The following PRDM2 variants were observed in gnomAD, a reference collection of about 807,000 sequenced individuals.
PRDM2 encodes PR/SET domain 2.
A neutral mutation model predicts 130.0 loss-of-function variants in PRDM2; 30 were observed. The ratio of observed to expected loss-of-function variants is 0.23; its 90% CI spans 0.17 to 0.31. The LOEUF (loss-of-function observed/expected upper bound fraction) is 0.31. Among genes scored for constraint, PRDM2 ranks in the 10% least tolerant of loss-of-function variants. PRDM2 has a pLI of 1.00. For synonymous variants in PRDM2, 871 were observed against 782.4 expected (o/e 1.11, Z -1.89); for missense variants, 2,011 against 2,108.4 (o/e 0.95, Z 0.90).
At chr1:13,800,077 A>C (rs1644983548) in intron 8 of PRDM2, among the ~76,000 whole-genome samples, 1 of 151,874 alleles carries the variant, frequency 6.6e-6, no homozygotes, top group Middle Eastern at 3.2e-3. Flanking sequence ...TCATTCATTC[A>C]TTCATTCATT....
intron 1 of PRDM2, among the ~76,000 whole-genome samples, chr1:13,704,628 G>T (rs1291825767): frequency 6.6e-6 from 1 of 152,158 alleles, no homozygotes; most frequent in Non-Finnish European, 1.5e-5. Flanking sequence ...ATTATAGGGG[G>T]CAGTCTGTCT....
chr1:13,770,749 G>GGTAT (rs1273063892), intron 6 of PRDM2, among the ~76,000 whole-genome samples: 4 of 152,086 alleles, frequency 2.6e-5, no homozygotes, highest in Non-Finnish European at 5.9e-5. Flanking sequence ...TTACCTGAGG[G>GGTAT]GTATGTCTTA....
At chr1:13,821,623 G>A (rs1271740187) in intron 9 of PRDM2, among the ~76,000 whole-genome samples, 1 of 151,772 alleles carries the variant, frequency 6.6e-6, no homozygotes, top group Non-Finnish European at 1.5e-5. Context: ...CATCACTAAT[G>A]TATTTTTGTA....
intron 2 of PRDM2, among the ~76,000 whole-genome samples, chr1:13,722,509 T>A (rs1642762821): frequency 6.6e-6 from 1 of 150,768 alleles, no homozygotes; most frequent in African/African-American, 2.4e-5. Flanking sequence ...CCAATAGAAT[T>A]TTTTTTTTTA....
At position 13,816,430 on chromosome 1, in the gene PRDM2, C is replaced by T; in HGVS notation, c.5040C>T (p.Tyr1680=). ...TGTTGTTCCTCTTCCTGCACAGCTA[C>T]AGCCTCCGCTTGGCGTCCCGATGCT... ...SAKQELKDFS[Y]SLRLASRCSP... is the part of the protein sequence containing the mutation. The change falls in exon 9 of 10, where the codon TAC becomes TAT. Residue 1680 remains tyrosine, a synonymous_variant. Coordinates refer to ENST00000311066, the MANE Select transcript of PRDM2 (RefSeq NM_001393986.1). 5.6e-6 allele frequency: 9 copies of T among 1,614,124 alleles called. No homozygotes were observed. The highest frequency in any genetic ancestry group is 7.6e-6 in the Non-Finnish European group (9 of 1,180,012).
intron 6 of PRDM2, among the ~76,000 whole-genome samples, chr1:13,758,269 C>T (rs1051489257): frequency 1.3e-5 from 2 of 151,842 alleles, no homozygotes; most frequent in Admixed American, 6.6e-5. Flanking sequence ...CATGGTAAAA[C>T]CCCGTCTCTA....
At chr1:13,769,178 G>C in intron 6 of PRDM2, 2 of 984,280 alleles carry the variant, frequency 2.0e-6, no homozygotes, top group Non-Finnish European at 2.4e-6. Context: ...CCGATGGTAA[G>C]TGCACTTGTG....
At chr1:13,808,248 T>A (rs144970642) in intron 8 of PRDM2, among the ~76,000 whole-genome samples, 4,045 of 152,140 alleles carry the variant, frequency 0.027, 189 homozygotes, top group African/African-American at 0.092. Context: ...TCCCCACACT[T>A]TGGGAGGCCG....
Position 13,773,203 on chromosome 1 carries a change from T to C in PRDM2, c.622+15T>C. ...TTCTGCAGAAGGTAAGCTTGTGATA[T>C]TGGCTTGGTCTGAATTGGGTGTGTA... is the stretch of plus-strand genomic sequence containing the variant. On this transcript the variant is annotated intron_variant, in intron 7 of 9. Coordinates refer to ENST00000311066, the MANE Select transcript of PRDM2 (RefSeq NM_001393986.1). 7.4e-6 allele frequency: 11 copies of C among 1,486,990 alleles called. No individual in the cohort carries two copies. The highest frequency in any genetic ancestry group is 1.4e-5 in the African/African-American group (1 of 70,628). 92.1% of individuals were successfully genotyped at this position (1,486,990 alleles called of 1,614,324 possible). A position where few individuals can be genotyped will look rare whatever the true frequency, so the allele number is the denominator to read the frequency against.
At chr1:13,741,943 T>C (rs1643459144) in intron 4 of PRDM2, 62 bp from the exon 5 acceptor site, 1 of 1,324,828 alleles carries the variant, frequency 7.5e-7, no homozygotes, top group South Asian at 1.3e-5. Context: ...AAGTTAAAAA[T>C]GGAGGCATTT....
intron 1 of PRDM2, among the ~76,000 whole-genome samples, chr1:13,702,812 GA>G (rs1389657448): frequency 1.3e-5 from 2 of 151,734 alleles, no homozygotes; most frequent in South Asian, 2.1e-4. Context: ...TACTCATGCA[GA>G]AAAAAAACCA....
At chr1:13,786,996 T>C (rs1230567508) in intron 8 of PRDM2, 1 of 986,578 alleles carries the variant, frequency 1.0e-6, no homozygotes, top group Non-Finnish European at 1.2e-6. Context: ...GCCTTTCTTT[T>C]AAATTAATTA....
In PRDM2 at chr1:13,778,946, C is replaced by A. The variant is rs767350337; in HGVS notation, c.1151C>A (p.Ser384Tyr). ...GLERHMHIHI[S>Y]TVNHAFKCKY... ...GAGCGTCACATGCATATCCATATATCCACCGTCAATCATGCTTTCAAATGC... is the reference window on the plus strand; with the variant it reads ...GAGCGTCACATGCATATCCATATATACACCGTCAATCATGCTTTCAAATGC... Residue 384 changes from serine (S) to tyrosine (Y), a missense_variant, in exon 8 of 10, where the codon TCC (serine) becomes TAC (tyrosine). Physicochemically the swap from Ser to Tyr is moderately radical, Grantham distance 144. Around this residue, in one of 5 missense-constraint regions of PRDM2, gnomAD observed 1,288 missense variants for 1,237.7 expected, o/e 1.04. Transcript: ENST00000311066. 2 of 1,614,066 alleles carry A rather than the reference C, an allele frequency of 1.2e-6. No homozygotes were observed. Among genetic ancestry groups the A allele is most frequent in the African/African-American group, 2.7e-5 (2 of 74,918 alleles).
intron 1 of PRDM2, among the ~76,000 whole-genome samples, chr1:13,712,286 A>G (rs986186664): frequency 2.6e-5 from 4 of 152,202 alleles, no homozygotes; most frequent in African/African-American, 7.2e-5. Flanking sequence ...TTTAAGTACT[A>G]TTGTAATTAT....
In PRDM2 at chr1:13,823,495, C is replaced by G. The variant is rs958770013; in HGVS notation, c.*360C>G. 1 of 380,486 alleles carries G rather than the reference C, an allele frequency of 2.6e-6. No homozygotes were observed. The highest frequency in any genetic ancestry group is 4.4e-5 in the Admixed American group (1 of 22,870). The allele number at this position is 380,486 out of a possible 1,614,324, so 23.6% of individuals were successfully genotyped here. A position where few individuals can be genotyped will look rare whatever the true frequency, so the allele number is the denominator to read the frequency against. Reference sequence around the variant, plus strand: ...TGCAATTTTTCAAGAGCTCCTTGACCCTGCTTTTTGCTTCTTGAGTTGTCT... The same window carrying G: ...TGCAATTTTTCAAGAGCTCCTTGACGCTGCTTTTTGCTTCTTGAGTTGTCT... On this transcript the variant is annotated 3_prime_UTR_variant, in exon 10 of 10. Transcript: ENST00000311066.
At chr1:13,785,948 C>T (rs545941968) in intron 8 of PRDM2, among the ~76,000 whole-genome samples, 154 of 151,510 alleles carry the variant, frequency 1.0e-3, no homozygotes, top group African/African-American at 3.6e-3. Context: ...ACGCCATTCT[C>T]CTGTCTCAGC....
intron 8 of PRDM2, among the ~76,000 whole-genome samples, chr1:13,812,075 T>C (rs1332005003): frequency 6.6e-6 from 1 of 152,094 alleles, no homozygotes; most frequent in Non-Finnish European, 1.5e-5. Flanking sequence ...TGGGCAGTGA[T>C]GTGGTCCAGT....
intron 8 of PRDM2, chr1:13,783,130 C>T (rs893716034): frequency 5.2e-6 from 3 of 581,530 alleles, no homozygotes; most frequent in Non-Finnish European, 9.2e-6. Context: ...AGATGCAATC[C>T]TCTCAAACTT....
chr1:13,700,988 A>G (rs1162451909), intron 1 of PRDM2, among the ~76,000 whole-genome samples: 1 of 152,250 alleles, frequency 6.6e-6, no homozygotes, highest in Admixed American at 6.5e-5. Context: ...AGTAAACCTA[A>G]CAGGTCAGTG....
Sources: allele counts gnomAD v4.1 joint callset (sites outside exome capture counted in the v4.1 genomes callset), GRCh38; gene constraint gnomAD v4.1.1; regional missense constraint gnomAD v4.1.1; transcripts MANE v1.5; gene names NCBI Gene and HGNC (gene_info 2026-07-23, HGNC 2026-07-21).